Variants in RASGEF1C observed in about 807,000 individuals in gnomAD.
The protein encoded by RASGEF1C is ras-GEF domain-containing family member 1C.
In RASGEF1C, 27 loss-of-function variants were observed where a neutral mutation model predicts 58.1. The observed-to-expected ratio is 0.46, with a 90% CI of 0.34 to 0.64. The LOEUF is 0.64. RASGEF1C is among the 30% of genes least tolerant of loss of function. RASGEF1C has a pLI of 0.01. For synonymous variants in RASGEF1C, 243 were observed against 246.3 expected, an observed-to-expected ratio of 0.99 and a Z score of 0.13; for missense variants, 502 against 605.1, an observed-to-expected ratio of 0.83 and a Z score of 1.79.
chr5:180,121,794 G>T (rs1040279597), intron 6 of RASGEF1C, among the ~76,000 whole-genome samples: 1 of 152,148 alleles, frequency 6.6e-6, no homozygotes, highest in Admixed American at 6.5e-5. Context: ...GTGTGCGGTG[G>T]CAAAAATATC....
At chr5:180,207,793 C>T (rs927461608) in intron 1 of RASGEF1C, among the ~76,000 whole-genome samples, 5 of 152,260 alleles carry the variant, frequency 3.3e-5, no homozygotes, top group Admixed American at 3.3e-4. Context: ...CTCACCCGCG[C>T]TGTTCCCCCG....
intron 10 of RASGEF1C, among the ~76,000 whole-genome samples, chr5:180,117,383 G>A (rs1766086772): frequency 6.6e-6 from 1 of 152,200 alleles, no homozygotes; most frequent in Non-Finnish European, 1.5e-5. Context: ...AATTCCAGGG[G>A]CACCTGCATT....
At chr5:180,142,065 G>A (rs1392761160) in intron 1 of RASGEF1C, among the ~76,000 whole-genome samples, 2 of 152,152 alleles carry the variant, frequency 1.3e-5, no homozygotes, top group Non-Finnish European at 2.9e-5. Context: ...TGGCCTGAAT[G>A]ATGCACGTGA....
chr5:180,181,656 G>A (rs7380160), intron 1 of RASGEF1C, among the ~76,000 whole-genome samples: 54,928 of 152,020 alleles, frequency 0.36, 10,179 homozygotes, highest in Non-Finnish European at 0.38. Flanking sequence ...GGCAGGGAAG[G>A]GTTCTATTGG....
intron 1 of RASGEF1C, among the ~76,000 whole-genome samples, chr5:180,145,351 C>G (rs1353847906): frequency 6.6e-6 from 1 of 152,146 alleles, no homozygotes; most frequent in Non-Finnish European, 1.5e-5. Flanking sequence ...AAACTCCTGA[C>G]CTTAGGTGAT....
At chr5:180,190,086 T>A in intron 1 of RASGEF1C, among the ~76,000 whole-genome samples, 1 of 151,510 alleles carries the variant, frequency 6.6e-6, no homozygotes, top group East Asian at 2.0e-4. Flanking sequence ...CAGTGGCTCC[T>A]GTCAGTAATC....
At chr5:180,186,101 G>GAAA (rs35778456) in intron 1 of RASGEF1C, among the ~76,000 whole-genome samples, 45 of 81,102 alleles carry the variant, frequency 5.5e-4, no homozygotes, top group East Asian at 1.1e-3. Context: ...TATCTCCACA[G>GAAA]AAAAAAAAAA....
At chr5:180,183,891 G>T (rs903805769) in intron 1 of RASGEF1C, among the ~76,000 whole-genome samples, 1 of 152,066 alleles carries the variant, frequency 6.6e-6, no homozygotes, top group Non-Finnish European at 1.5e-5. Flanking sequence ...TAAACAGCCG[G>T]CCGGGTGTGA....
intron 1 of RASGEF1C, among the ~76,000 whole-genome samples, chr5:180,174,059 G>T (rs556524414): frequency 6.6e-6 from 1 of 152,084 alleles, no homozygotes; most frequent in South Asian, 2.1e-4. Flanking sequence ...TGCTCTCGGG[G>T]GCTCCTTCCG....
Position 180,142,584 on chromosome 5 carries a change from G to A in RASGEF1C, c.-6-4526C>T, listed in dbSNP as rs189333468. On this transcript the variant is annotated intron_variant, in intron 1 of 13. Coordinates refer to ENST00000361132, the MANE Select transcript of RASGEF1C (RefSeq NM_175062.4). The stretch of plus-strand genomic sequence containing the variant: ...GATGGCAAACAAAGGGAGCATGGAC[G>A]GGGAGGTGCACAGACGCACTGGCGG... 4.9e-4 allele frequency among the ~76,000 whole-genome samples: 74 copies of A among 152,302 alleles called. No homozygotes were observed. In the East Asian group the frequency reaches 0.01, roughly 21 times the overall value.
chr5:180,201,436 G>C (rs1288776140), intron 1 of RASGEF1C, among the ~76,000 whole-genome samples: 1 of 152,166 alleles, frequency 6.6e-6, no homozygotes, highest in Non-Finnish European at 1.5e-5. Flanking sequence ...CAACAGGAGA[G>C]GGCGCTCTTA....
chr5:180,169,513 G>C (rs1767069647), intron 1 of RASGEF1C, among the ~76,000 whole-genome samples: 1 of 151,562 alleles, frequency 6.6e-6, no homozygotes, highest in African/African-American at 2.4e-5. Flanking sequence ...GTGAAGGAAA[G>C]GTCCTCTGAG....
intron 1 of RASGEF1C, among the ~76,000 whole-genome samples, chr5:180,208,286 A>G (rs1756526520): frequency 6.6e-6 from 1 of 152,052 alleles, no homozygotes; most frequent in African/African-American, 2.4e-5. Flanking sequence ...AGGAGGCAGG[A>G]GATACGGGCC....
At chr5:180,125,654 T>C (rs1368695673) in intron 6 of RASGEF1C, among the ~76,000 whole-genome samples, 5 of 152,016 alleles carry the variant, frequency 3.3e-5, no homozygotes, top group African/African-American at 1.2e-4. Context: ...TGGTGGCGCA[T>C]GCCTGTAATC....
At chr5:180,135,053 C>T (rs537260620) in intron 4 of RASGEF1C, among the ~76,000 whole-genome samples, 2 of 144,366 alleles carry the variant, frequency 1.4e-5, no homozygotes, top group East Asian at 2.2e-4. Flanking sequence ...CCACCCCCCC[C>T]GTCCAATCAT....
chr5:180,188,671 CTTTTA>C (rs1335652013), intron 1 of RASGEF1C, among the ~76,000 whole-genome samples: 1 of 152,142 alleles, frequency 6.6e-6, no homozygotes, highest in Non-Finnish European at 1.5e-5. Context: ...TTCTTTTCTT[CTTTTA>C]TAATTTCAAC....
At position 180,177,486 on chromosome 5, in the gene RASGEF1C, C is replaced by T. The variant is rs744252; in HGVS notation, c.-7+31542G>A. Among the ~76,000 whole-genome samples the T allele has an allele frequency of 0.21, 32,297 of 152,262 alleles. 3,611 individuals carry two copies. The highest frequency in any genetic ancestry group is 0.23 in the Non-Finnish European group (15,496 of 67,996). On this transcript the variant is annotated intron_variant, in intron 1 of 13. Coordinates refer to ENST00000361132, the MANE Select transcript of RASGEF1C (RefSeq NM_175062.4). The surrounding 1 kb of genome is among the most constrained non-coding windows in gnomAD (Gnocchi z 5.0). ...AGAGCCCCGGGCTTCCTTCCGGGAC[C>T]CCTGCCAAGGCTCAGCCCTGCTGCA... is the stretch of plus-strand genomic sequence containing the variant.
intron 1 of RASGEF1C, among the ~76,000 whole-genome samples, chr5:180,186,398 G>T (rs1756043380): frequency 6.6e-6 from 1 of 152,038 alleles, no homozygotes; most frequent in Non-Finnish European, 1.5e-5. Context: ...TTAATGCTCT[G>T]AAAAATGAAT....
intron 1 of RASGEF1C, among the ~76,000 whole-genome samples, chr5:180,163,308 A>G (rs1238604852): frequency 7.3e-6 from 1 of 137,144 alleles, no homozygotes; most frequent in Non-Finnish European, 1.5e-5. Flanking sequence ...AGGGTTGAGA[A>G]TGGACAGTCA....
Sources: allele counts gnomAD v4.1 joint callset (sites outside exome capture counted in the v4.1 genomes callset), GRCh38; gene constraint gnomAD v4.1.1; non-coding constraint Gnocchi (gnomAD v3.1); transcripts MANE v1.5; gene names NCBI Gene and HGNC (gene_info 2026-07-23, HGNC 2026-07-21).